The following RCOR3 variants were observed in gnomAD, a reference collection of about 807,000 sequenced individuals.
RCOR3 encodes the protein REST corepressor 3.
Under a neutral mutation model 64.1 loss-of-function variants are expected in RCOR3, and 13 were observed. That is an observed-to-expected ratio of 0.20 (90% CI 0.13 to 0.32). The LOEUF (loss-of-function observed/expected upper bound fraction) is 0.32, where lower values mean the gene tolerates loss of function less well. RCOR3 is among the 10% of genes least tolerant of loss of function. RCOR3 has a pLI of 1.00. For synonymous variants in RCOR3, 215 were observed against 239.0 expected, an observed-to-expected ratio of 0.90 and a Z score of 0.93; for missense variants, 489 against 701.2, an observed-to-expected ratio of 0.70 and a Z score of 3.42.
At chr1:211,261,256 T>A (rs889672608) in intron 2 of RCOR3, 10 of 152,230 alleles carry the variant, frequency 6.6e-5, no homozygotes, top group Admixed American at 3.9e-4. Context: ...CGTGTTTTTT[T>A]GTTCCTCCTC....
chr1:211,313,716 A>G lies in RCOR3; in HGVS notation c.1610A>G (p.Gln537Arg). ...GTGTTGTCCACGGTTGGTGGTCAAC[A>G]GCCACCATCACTTATTGGAATTCAG... ...RPVLSTVGGQQPPSLIGIQTD... is the reference protein window; with the variant it reads ...RPVLSTVGGQRPPSLIGIQTD... The change falls in exon 12 of 12, where the codon CAG becomes CGG. Residue 537 changes from glutamine (Q) to arginine (R), a missense_variant. Transcript: ENST00000419091. The surrounding 1 kb of genome is among the most constrained non-coding windows in gnomAD (Gnocchi z 4.7). 1 of 1,614,232 alleles carries G rather than the reference A, an allele frequency of 6.2e-7. No homozygotes were observed. Among genetic ancestry groups the G allele is most frequent in the Non-Finnish European group, 8.5e-7 (1 of 1,180,032 alleles).
Position 211,313,858 on chromosome 1 carries a change from T to C in RCOR3, c.*90T>C. 1.7e-6 allele frequency: 2 copies of C among 1,205,278 alleles called. No individual in the cohort carries two copies. The allele number at this position is 1,205,278 out of a possible 1,614,324, so 74.7% of individuals were successfully genotyped here. A position where few individuals can be genotyped will look rare whatever the true frequency, so the allele number is the denominator to read the frequency against. ...GATGAAAAAGAGGAAAGAATAATCA[T>C]TTCTAGATACTGAGGCTGCGAACTA... On this transcript the variant is annotated 3_prime_UTR_variant, in exon 12 of 12. Coordinates refer to ENST00000419091, the MANE Select transcript of RCOR3 (RefSeq NM_001136223.3). The surrounding 1 kb of genome is among the most constrained non-coding windows in gnomAD (Gnocchi z 4.7).
intron 7 of RCOR3, among the ~76,000 whole-genome samples, chr1:211,283,457 A>T (rs1698102444): frequency 6.6e-6 from 1 of 152,200 alleles, no homozygotes; most frequent in Non-Finnish European, 1.5e-5. Context: ...ATATACCTCC[A>T]CTAGACTGTG....
In RCOR3 at chr1:211,289,364, C is replaced by G; in HGVS notation, c.907C>G (p.Leu303Val). 6.2e-7 allele frequency: 1 copy of G among 1,614,050 alleles called. No individual in the cohort carries two copies. Among genetic ancestry groups the G allele is most frequent in the Non-Finnish European group, 8.5e-7 (1 of 1,179,976 alleles). Residue 303 changes from leucine (L) to valine (V), a missense_variant, in exon 8 of 12, where the codon CTG (leucine) becomes GTG (valine). Leu to Val is a conservative substitution (Grantham distance 32, BLOSUM62 1). This residue lies in a region of RCOR3 where 402 missense variants were observed against 617.0 expected (regional missense o/e 0.65). Coordinates refer to ENST00000419091, the MANE Select transcript of RCOR3 (RefSeq NM_001136223.3). ...TGCAGCCAACACCATCCTGAGGCAACTGGACATGGAGTTGATCTCTCTAAA... is the reference window on the plus strand; with the variant it reads ...TGCAGCCAACACCATCCTGAGGCAAGTGGACATGGAGTTGATCTCTCTAAA... ...PNAANTILRQ[L>V]DMELISLKRQ...
chr1:211,275,900 A>G (rs1335320169), intron 4 of RCOR3, among the ~76,000 whole-genome samples: 1 of 152,142 alleles, frequency 6.6e-6, no homozygotes, highest in Non-Finnish European at 1.5e-5. Flanking sequence ...GATTTATTGG[A>G]AATTTTCCTT....
At chr1:211,261,238 T>C (rs560812833) in intron 2 of RCOR3, 1 of 152,376 alleles carries the variant, frequency 6.6e-6, no homozygotes, top group African/African-American at 2.4e-5. Flanking sequence ...ATTATTAGGA[T>C]ACAGAGGCGT....
intron 8 of RCOR3, among the ~76,000 whole-genome samples, chr1:211,292,263 C>T (rs752463390): frequency 6.6e-6 from 1 of 152,224 alleles, no homozygotes; most frequent in Non-Finnish European, 1.5e-5. Flanking sequence ...CAGCTATCCT[C>T]ACCACTATAC....
chr1:211,312,278 C>T lies in RCOR3; in HGVS notation c.1076-442C>T. 2.3e-6 allele frequency: 1 copy of T among 434,874 alleles called. No homozygotes were observed. The highest frequency in any genetic ancestry group is 1.6e-5 in the South Asian group (1 of 62,342). The allele number at this position is 434,874 out of a possible 1,614,324, so 26.9% of individuals were successfully genotyped here. A position where few individuals can be genotyped will look rare whatever the true frequency, so the allele number is the denominator to read the frequency against. On this transcript the variant is annotated intron_variant, in intron 10 of 11. Transcript: ENST00000419091. This position sits in a 1 kb window ranked among gnomAD's most constrained non-coding sequence, Gnocchi z 5.0. ...AATGGGGGAACCCTAAGGCTACTCA[C>T]TCAGTCCATTGAGGGGATAAGAGAG...
chr1:211,289,430 G>A (rs755219720), intron 8 of RCOR3, 34 bp downstream of exon 8: 2 of 1,524,272 alleles, frequency 1.3e-6, no homozygotes, highest in Admixed American at 3.7e-5. Flanking sequence ...TAATGATTCT[G>A]TGCATTTTGG....
chr1:211,261,921 CT>C, intron 2 of RCOR3, among the ~76,000 whole-genome samples: 1 of 546 alleles, frequency 1.8e-3, no homozygotes, highest in Non-Finnish European at 0.011. Flanking sequence ...GAGACTCCAT[CT>C]CAAAAAAAAA....
Position 211,312,265 on chromosome 1 carries a change from C to T in RCOR3, c.1076-455C>T, listed in dbSNP as rs1701570655. On this transcript the variant is annotated intron_variant, in intron 10 of 11. Transcript: ENST00000419091. This position sits in a 1 kb window ranked among gnomAD's most constrained non-coding sequence, Gnocchi z 5.0. Reference sequence around the variant, plus strand: ...TAATGCTTTTCTTAATGGGGGAACCCTAAGGCTACTCACTCAGTCCATTGA... The same window carrying T: ...TAATGCTTTTCTTAATGGGGGAACCTTAAGGCTACTCACTCAGTCCATTGA... 2.4e-6 allele frequency: 1 copy of T among 416,612 alleles called. No homozygotes were observed. The highest frequency in any genetic ancestry group is 5.0e-6 in the Non-Finnish European group (1 of 198,850). The allele number at this position is 416,612 out of a possible 1,614,324, so 25.8% of individuals were successfully genotyped here. A position where few individuals can be genotyped will look rare whatever the true frequency, so the allele number is the denominator to read the frequency against.
chr1:211,302,584 C>A (rs542403055), intron 9 of RCOR3: 1 of 152,148 alleles, frequency 6.6e-6, no homozygotes, highest in Non-Finnish European at 1.5e-5. Context: ...GTATTAAACA[C>A]GTCATTAACT....
At chr1:211,289,064 A>G in intron 7 of RCOR3, 114 bp from the exon 8 acceptor site, 1 of 741,896 alleles carries the variant, frequency 1.3e-6, no homozygotes, top group Non-Finnish European at 2.3e-6. Context: ...ATTGGTTAGA[A>G]GTGTTTTTTT....
Position 211,312,663 on chromosome 1 carries a change from TACAC to T in RCOR3, c.1076-53_1076-50del. ...TCTTTTGTGTGTGCATGATGTATAGTACACACAGCTCTCCTTATTGATCCTTCAC... is the reference window on the plus strand; with the variant it reads ...TCTTTTGTGTGTGCATGATGTATAGTACAGCTCTCCTTATTGATCCTTCAC... On this transcript the variant is annotated intron_variant, in intron 10 of 11. Transcript: ENST00000419091. This position sits in a 1 kb window ranked among gnomAD's most constrained non-coding sequence, Gnocchi z 5.0. 8.4e-7 allele frequency: 1 copy of T among 1,194,762 alleles called. No homozygotes were observed. The allele number at this position is 1,194,762 out of a possible 1,614,324, so 74.0% of individuals were successfully genotyped here.
intron 9 of RCOR3, among the ~76,000 whole-genome samples, chr1:211,296,189 T>G (rs978738688): frequency 6.6e-6 from 1 of 152,174 alleles, no homozygotes; most frequent in Non-Finnish European, 1.5e-5. Context: ...ATAATTGTCT[T>G]TGGCTCAGCT....
chr1:211,271,257 C>A lies in RCOR3; in HGVS notation c.249C>A (p.Asp83Glu). The change falls in exon 3 of 12, where the codon GAC becomes GAA. Residue 83 changes from aspartate (D) to glutamate (E), a missense_variant. By Grantham distance (45) the Asp-to-Glu change is conservative. Transcript: ENST00000419091. The part of the protein sequence containing the change: ...DPGATKYTDK[D>E]NGGMLVWSPY... ...GTGCTACAAAGTACACAGATAAAGACAATGGAGGGATGCTTGTATGGTCTC... is the reference window on the plus strand; with the variant it reads ...GTGCTACAAAGTACACAGATAAAGAAAATGGAGGGATGCTTGTATGGTCTC... 1 of 1,613,670 alleles carries A rather than the reference C, an allele frequency of 6.2e-7. No individual in the cohort carries two copies. The highest frequency in any genetic ancestry group is 8.5e-7 in the Non-Finnish European group (1 of 1,179,746).
chr1:211,271,210 A>T, intron 2 of RCOR3, 22 bp from the exon 3 acceptor site: 1 of 1,597,858 alleles, frequency 6.3e-7, no homozygotes, highest in Non-Finnish European at 8.6e-7. Context: ...TCATATTCAA[A>T]GTAATTATCT....
chr1:211,310,886 TC>T (rs1444412851), intron 10 of RCOR3, among the ~76,000 whole-genome samples: 1 of 152,186 alleles, frequency 6.6e-6, no homozygotes, highest in Non-Finnish European at 1.5e-5. Context: ...ACTCGTGTAT[TC>T]AGTAGGTTTG....
chr1:211,298,480 G>A (rs1414282641), intron 9 of RCOR3, among the ~76,000 whole-genome samples: 1 of 152,150 alleles, frequency 6.6e-6, no homozygotes, highest in Non-Finnish European at 1.5e-5. Flanking sequence ...GAGTCAACAG[G>A]TATTCCCTGA....
Sources: gnomAD v4.1 joint callset for allele counts (sites outside exome capture counted in the v4.1 genomes callset) on GRCh38, gnomAD v4.1.1 for gene constraint, gnomAD v4.1.1 regional missense constraint, Gnocchi (gnomAD v3.1) non-coding constraint, MANE v1.5 for transcripts, NCBI Gene and HGNC (gene_info 2026-07-23, HGNC 2026-07-21) for gene names.